Variants in ATP5F1A observed in about 807,000 individuals in gnomAD.
The protein encoded by ATP5F1A is ATP synthase F1 subunit alpha, also known as ATP synthase F(1) complex subunit alpha, mitochondrial.
ATP5F1A carries 24 observed loss-of-function variants against 57.4 expected under a neutral mutation model. That is an observed-to-expected ratio of 0.42 (90% confidence interval 0.30 to 0.59). The LOEUF is 0.59. Ranked by LOEUF, ATP5F1A falls within the 20% of genes least tolerant of loss-of-function variation. ATP5F1A has a pLI of 0.19. For synonymous variants in ATP5F1A, 251 were observed against 255.5 expected (o/e 0.98, Z 0.17); for missense variants, 494 against 707.9 (o/e 0.70, Z 3.43).
At chr18:46,089,005 T>G (rs1910338791) in intron 5 of ATP5F1A, among the ~76,000 whole-genome samples, 1 of 151,910 alleles carries the variant, frequency 6.6e-6, no homozygotes, top group Non-Finnish European at 1.5e-5. Flanking sequence ...CACCTTTCCT[T>G]AAACTTATTT....
chr18:46,087,860 A>G (rs189780132), intron 6 of ATP5F1A: 1 of 491,094 alleles, frequency 2.0e-6, no homozygotes, highest in East Asian at 4.0e-5. Flanking sequence ...AGCCTGGGCA[A>G]CAAGAGTGAA....
chr18:46,098,644 C>T (rs926781762), upstream of ATP5F1A, among the ~76,000 whole-genome samples: 2 of 151,984 alleles, frequency 1.3e-5, no homozygotes, highest in Non-Finnish European at 2.9e-5. Flanking sequence ...GTCTTGAGGA[C>T]CAGGGCGATT....
At chr18:46,098,129 G>GC in intron 1 of ATP5F1A, 43 bp downstream of exon 1, 1 of 1,576,468 alleles carries the variant, frequency 6.3e-7, no homozygotes, top group Non-Finnish European at 8.6e-7. Context: ...CCACCCTGCA[G>GC]CCCCACCCGG....
chr18:46,091,981 T>A, intron 2 of ATP5F1A, 130 bp from the exon 3 acceptor site: 1 of 730,858 alleles, frequency 1.4e-6, no homozygotes. Context: ...GAGACCAGCC[T>A]GACCAACATG....
At chr18:46,098,897 C>A (rs1911175058), upstream of ATP5F1A, among the ~76,000 whole-genome samples, 1 of 152,142 alleles carries the variant, frequency 6.6e-6, no homozygotes, top group Non-Finnish European at 1.5e-5. Flanking sequence ...TAGATTCATT[C>A]TAAAAGAATC....
Position 46,081,906 on chromosome 18 carries a change from C to T in ATP5F1A, c.*2376G>A, listed in dbSNP as rs182078273. Reference sequence around the variant, plus strand: ...TTCCTACCAAAGATATTGGAGCCCACATATGTAAATATATTTTGACTTACT... The same window carrying T: ...TTCCTACCAAAGATATTGGAGCCCATATATGTAAATATATTTTGACTTACT... On this transcript the variant is annotated 3_prime_UTR_variant, in exon 12 of 12. Transcript: ENST00000398752. 1 of 151,742 alleles carries T rather than the reference C, an allele frequency of 6.6e-6. No homozygotes were observed. Among genetic ancestry groups the T allele is most frequent in the African/African-American group, 2.4e-5 (1 of 41,396 alleles). 9.4% of individuals were successfully genotyped at this position (151,742 alleles called of 1,614,324 possible).
At position 46,080,550 on chromosome 18, in the gene ATP5F1A, CTA is replaced by C. The variant is rs1909684426; in HGVS notation, c.*3730_*3731del. The C allele has an allele frequency of 6.6e-6, 1 of 152,168 alleles. No individual in the cohort carries two copies. The highest frequency in any genetic ancestry group is 1.5e-5 in the Non-Finnish European group (1 of 68,056). The allele number at this position is 152,168 out of a possible 1,614,324, so 9.4% of individuals were successfully genotyped here. The stretch of plus-strand genomic sequence containing the variant: ...TTGCTGTAACAGAAAGGGCTGGACT[CTA>C]TAGCTCAGCAAAAACACCAGGGAAA... On this transcript the variant is annotated 3_prime_UTR_variant, in exon 12 of 12. Coordinates refer to ENST00000398752, the MANE Select transcript of ATP5F1A (RefSeq NM_004046.6).
intron 1 of ATP5F1A, among the ~76,000 whole-genome samples, chr18:46,103,419 G>C (rs897453658): frequency 1.3e-5 from 2 of 151,600 alleles, no homozygotes; most frequent in African/African-American, 4.8e-5. Flanking sequence ...TGGCCAACCT[G>C]ATGAGATCCC....
chr18:46,092,800 G>T (rs930160322), intron 2 of ATP5F1A, among the ~76,000 whole-genome samples: 3 of 151,604 alleles, frequency 2.0e-5, no homozygotes, highest in Admixed American at 6.6e-5. Context: ...TAAGAAATCT[G>T]TAACTATGTT....
At chr18:46,089,410 G>A (rs1422101645) in intron 5 of ATP5F1A, 156 bp downstream of exon 5, 3 of 833,532 alleles carry the variant, frequency 3.6e-6, no homozygotes, top group Non-Finnish European at 5.5e-6. Context: ...AGGTGTGGAG[G>A]GGCTGGCCCC....
chr18:46,097,794 C>T (rs183214508), intron 1 of ATP5F1A: 1 of 1,053,028 alleles, frequency 9.5e-7, no homozygotes, highest in African/African-American at 1.7e-5. Flanking sequence ...TTCTGACCTT[C>T]AGCGGGACGC....
Position 46,086,734 on chromosome 18 carries a change from TATA to T in ATP5F1A, c.1177-243_1177-241del, listed in dbSNP as rs60558977. 0.013 allele frequency: 7,832 copies of T among 597,742 alleles called. 472 individuals carry two copies. Among genetic ancestry groups the T allele is most frequent in the African/African-American group, 0.13 (6,905 of 53,952 alleles). The allele number at this position is 597,742 out of a possible 1,614,324, so 37.0% of individuals were successfully genotyped here. A position where few individuals can be genotyped will look rare whatever the true frequency, so the allele number is the denominator to read the frequency against. On this transcript the variant is annotated intron_variant, in intron 8 of 11. Coordinates refer to ENST00000398752, the MANE Select transcript of ATP5F1A (RefSeq NM_004046.6). Reference sequence around the variant, plus strand: ...ACTGAAATACATACAAATGAAGTGATATAATTTCTATTTGATTCAAAATTATCT... The same window carrying T: ...ACTGAAATACATACAAATGAAGTGATATTTCTATTTGATTCAAAATTATCT...
chr18:46,102,249 T>C (rs1280049110), upstream of ATP5F1A, among the ~76,000 whole-genome samples: 1 of 152,120 alleles, frequency 6.6e-6, no homozygotes, highest in African/African-American at 2.4e-5. Context: ...TAAAGATAAC[T>C]TTTTTTGCCC....
chr18:46,085,496 G>A (rs1315715927), intron 10 of ATP5F1A: 1 of 151,966 alleles, frequency 6.6e-6, no homozygotes, highest in Non-Finnish European at 1.5e-5. Context: ...AGGCATGGTA[G>A]TGCATGCCCG....
upstream of ATP5F1A, among the ~76,000 whole-genome samples, chr18:46,102,530 G>A (rs59868051): frequency 6.6e-6 from 1 of 152,052 alleles, no homozygotes; most frequent in Non-Finnish European, 1.5e-5. Context: ...TGCCATGTTG[G>A]TCAGGCTGGT....
intron 2 of ATP5F1A, chr18:46,093,138 A>G (rs1170180468): frequency 1.3e-5 from 2 of 151,900 alleles, no homozygotes; most frequent in East Asian, 3.9e-4. Flanking sequence ...ACAGAGCAAG[A>G]CTCTATCTCA....
Position 46,081,381 on chromosome 18 carries a change from C to A in ATP5F1A, c.*2901G>T, listed in dbSNP as rs1440387949. ...CACCACTGACACTAGGTATAAAATG[C>A]TCCAACAAGCCGGGCGCAGTGGCTC... On this transcript the variant is annotated 3_prime_UTR_variant, in exon 12 of 12. Transcript: ENST00000398752. 6.6e-6 allele frequency: 1 copy of A among 151,746 alleles called. No homozygotes were observed. 9.4% of individuals were successfully genotyped at this position (151,746 alleles called of 1,614,324 possible).
intron 10 of ATP5F1A, 40 bp downstream of exon 10, chr18:46,086,073 A>C (rs759510964): frequency 6.3e-7 from 1 of 1,599,542 alleles, no homozygotes; most frequent in South Asian, 1.1e-5. Context: ...ACCCTGATAC[A>C]CAATAGGAAC....
chr18:46,103,271 T>G (rs1346665816), upstream of ATP5F1A, among the ~76,000 whole-genome samples: 3 of 27,030 alleles, frequency 1.1e-4, no homozygotes, highest in African/African-American at 7.6e-4. Flanking sequence ...ATCATGTCAC[T>G]CTGCACTCCA....
Sources: allele counts gnomAD v4.1 joint callset (sites outside exome capture counted in the v4.1 genomes callset), GRCh38; gene constraint gnomAD v4.1.1; transcripts MANE v1.5; gene names NCBI Gene and HGNC (gene_info 2026-07-23, HGNC 2026-07-21).